Variants in MAP7D3 observed in about 807,000 individuals in gnomAD.
MAP7D3 encodes MAP7 domain containing 3.
MAP7D3 carries 45 observed loss-of-function variants against 62.2 expected under a neutral mutation model. The ratio of observed to expected loss-of-function variants is 0.72; its 90% confidence interval spans 0.57 to 0.93. The LOEUF (loss-of-function observed/expected upper bound fraction) is 0.93. MAP7D3 is among the 40% of genes least tolerant of loss of function. The pLI is 0.00. For missense variants in MAP7D3, 711 were observed against 683.1 expected (o/e 1.04, Z -0.45); for synonymous variants, 288 against 248.8 (o/e 1.16, Z -1.48).
chrX:136,228,827 C>A, intron 10 of MAP7D3, 69 bp from the exon 11 acceptor site: 2 of 911,780 alleles, frequency 2.2e-6, no homozygotes, highest in Non-Finnish European at 3.0e-6. Context: ...AGAAGTGCAA[C>A]ACAATCCAAA....
chrX:136,240,630 C>T, intron 5 of MAP7D3, 144 bp from the exon 6 acceptor site: 1 of 418,828 alleles, frequency 2.4e-6, no homozygotes, highest in African/African-American at 2.5e-5. Context: ...CCCGTCAATC[C>T]TTTTTTTTTA....
chrX:136,225,957 G>A lies in MAP7D3; in HGVS notation c.2091C>T (p.His697=), dbSNP rs373449692. 18 of 1,201,436 alleles carry A rather than the reference G, an allele frequency of 1.5e-5. No individual in the cohort carries two copies. The highest frequency in any genetic ancestry group is 2.3e-4 in the Middle Eastern group (1 of 4,350). The part of the protein sequence containing the change: ...QEEADKRKKE[H]ERIMLQNLQE... ...GTAAATTTTGTAACATAATTCTCTCGTGTTCTTTCTTGCGTTTGTCAGCTT... is the reference window on the plus strand; with the variant it reads ...GTAAATTTTGTAACATAATTCTCTCATGTTCTTTCTTGCGTTTGTCAGCTT... Residue 697 remains histidine, a synonymous_variant, in exon 13 of 19, where the codon CAC becomes CAT. Coordinates refer to ENST00000316077, the MANE Select transcript of MAP7D3 (RefSeq NM_024597.4).
At chrX:136,231,103 G>A (rs764037816) in intron 8 of MAP7D3, 137 bp from the exon 9 acceptor site, 2 of 425,305 alleles carry the variant, frequency 4.7e-6, no homozygotes, top group Admixed American at 4.8e-5. Context: ...TTTTCTTTTA[G>A]AGTATGAGAA....
chrX:136,231,482 A>G, intron 8 of MAP7D3, 62 bp downstream of exon 8: 3 of 972,069 alleles, frequency 3.1e-6, no homozygotes, highest in Non-Finnish European at 4.3e-6. Flanking sequence ...CCTATCGTGA[A>G]CTATACAACA....
At chrX:136,236,694 A>C (rs1411467995) in intron 6 of MAP7D3, among the ~76,000 whole-genome samples, 1 of 112,383 alleles carries the variant, frequency 8.9e-6, no homozygotes, top group African/African-American at 3.2e-5. Context: ...TATTTAAAAA[A>C]GATATATACG....
Position 136,220,786 on chromosome X carries a change from G to A in MAP7D3, c.2465C>T (p.Ser822Leu), listed in dbSNP as rs1373988184. The A allele has an allele frequency of 1.7e-6, 2 of 1,208,886 alleles. No homozygotes were observed. The highest frequency in any genetic ancestry group is 4.4e-5 in the Admixed American group (2 of 45,813). ...TCACCTTGAAACTACTTCCTGTATT[G>A]AAGTGTCTTTCATGCTTTTTTGTCT... ...NFRQKSMKDT[S>L]IQEVVSRPSS... The change falls in exon 16 of 19, where the codon TCA becomes TTA. Residue 822 changes from serine to leucine, a missense_variant. Ser to Leu is a moderately radical substitution (Grantham distance 145). Transcript: ENST00000316077.
chrX:136,240,225 A>C (rs953691907), intron 6 of MAP7D3, among the ~76,000 whole-genome samples, 157 bp downstream of exon 6: 2 of 109,985 alleles, frequency 1.8e-5, no homozygotes, highest in Non-Finnish European at 3.8e-5. Flanking sequence ...AAAAAAAAAA[A>C]AGTATGACTA....
upstream of MAP7D3, chrX:136,251,622 T>C (rs2074515655): frequency 6.7e-6 from 5 of 741,676 alleles, no homozygotes; most frequent in South Asian, 2.1e-4. Flanking sequence ...CCCTACTGCA[T>C]TGTGAGGACT....
rs773072484 is a variant in MAP7D3 at position 136,236,317 on chromosome X, G to A, written c.663C>T (p.Ser221=). 1 of 1,179,982 alleles carries A rather than the reference G, an allele frequency of 8.5e-7. No individual in the cohort carries two copies. Among genetic ancestry groups the A allele is most frequent in the South Asian group, 1.8e-5 (1 of 54,171 alleles). ...VAKRKTDKER[S]SSLNRRDSNL... is the part of the protein sequence containing the mutation. ...TACTATCTCTTCTATTTAAAGATGA[G>A]CTTCTCTCCTTGTCTGTTTTCCCTA... The change falls in exon 7 of 19, where the codon AGC becomes AGT. Residue 221 remains serine, a synonymous_variant. Transcript: ENST00000316077.
In MAP7D3 at chrX:136,217,451, G is replaced by A. The variant is rs1479682386; in HGVS notation, c.*1075C>T. 1 of 111,586 alleles carries A rather than the reference G, an allele frequency of 9.0e-6. No homozygotes were observed. Among genetic ancestry groups the A allele is most frequent in the Non-Finnish European group, 1.9e-5 (1 of 53,080 alleles). 9.2% of individuals were successfully genotyped at this position (111,586 alleles called of 1,213,427 possible). ...TGTTTCTGTAGATAAACACCAATAT[G>A]TCCTTCAAAAGGAAACACTGACAAG... On this transcript the variant is annotated 3_prime_UTR_variant, in exon 19 of 19. Transcript: ENST00000316077.
At chrX:136,246,198 A>C (rs1569532366) in intron 2 of MAP7D3, 45 bp downstream of exon 2, 3 of 1,128,420 alleles carry the variant, frequency 2.7e-6, no homozygotes, top group Non-Finnish European at 3.6e-6. Flanking sequence ...CAAATTTTAA[A>C]GATATGACAC....
In MAP7D3 at chrX:136,224,833, G is replaced by A; in HGVS notation, c.2187C>T (p.Ala729=). The change falls in exon 14 of 19, where the codon GCC becomes GCT. Residue 729 remains alanine (A), a synonymous_variant. Coordinates refer to ENST00000316077, the MANE Select transcript of MAP7D3 (RefSeq NM_024597.4). ...MKRTRKTDVN[A]SKVTETSSHD... is the part of the protein sequence containing the mutation. ...GTAGGAGTATGGAGACTACCTTTGA[G>A]GCATTCACATCTGTCTTTCTTGTCC... 3.4e-6 allele frequency: 4 copies of A among 1,176,840 alleles called. No homozygotes were observed. The highest frequency in any genetic ancestry group is 4.6e-6 in the Non-Finnish European group (4 of 864,114).
chrX:136,231,662 C>G lies in MAP7D3; in HGVS notation c.1295G>C (p.Gly432Ala), dbSNP rs779672786. Residue 432 changes from glycine (G) to alanine (A), a missense_variant, in exon 8 of 19, where the codon GGG becomes GCG. Transcript: ENST00000316077. ...AEVAPKESVK[G>A]SPKESMEASP... ...TGCCTCCATGCTCTCCTTGGGTGAC[C>G]CTTTCACACTCTCCTTGGGGGCTAC... 1.7e-6 allele frequency: 2 copies of G among 1,205,560 alleles called. No homozygotes were observed. The highest frequency in any genetic ancestry group is 2.2e-6 in the Non-Finnish European group (2 of 890,863).
Position 136,246,078 on chromosome X carries a change from C to G in MAP7D3, c.240G>C (p.Arg80Ser). 1 of 1,197,068 alleles carries G rather than the reference C, an allele frequency of 8.4e-7. No individual in the cohort carries two copies. Among genetic ancestry groups the G allele is most frequent in the Non-Finnish European group, 1.1e-6 (1 of 885,555 alleles). ...TCTAAAATATACCGTCTTGCTGTCT[C>G]CTTTTCTCCTCTCTGCGCTCTCTTG... is the stretch of plus-strand genomic sequence containing the variant. ...RLARERREEK[R>S]RQQDANKETQ... Residue 80 changes from arginine to serine, a missense_variant, in exon 3 of 19, where the codon AGG (arginine) becomes AGC (serine). By Grantham distance (110) the Arg-to-Ser change is moderately radical (BLOSUM62 -1). Coordinates refer to ENST00000316077, the MANE Select transcript of MAP7D3 (RefSeq NM_024597.4).
At chrX:136,226,380 T>C (rs2074197452) in intron 12 of MAP7D3, among the ~76,000 whole-genome samples, 1 of 111,624 alleles carries the variant, frequency 9.0e-6, no homozygotes, top group African/African-American at 3.3e-5. Flanking sequence ...TCCTGAGAAA[T>C]GCAAGCATAA....
Position 136,230,604 on chromosome X carries a change from G to T in MAP7D3, c.1542-11C>A. 9.2e-7 allele frequency: 1 copy of T among 1,092,333 alleles called. No homozygotes were observed. The highest frequency in any genetic ancestry group is 1.3e-6 in the Non-Finnish European group (1 of 793,318). The allele number at this position is 1,092,333 out of a possible 1,213,427, so 90.0% of individuals were successfully genotyped here. A position where few individuals can be genotyped will look rare whatever the true frequency, so the allele number is the denominator to read the frequency against. On this transcript the variant is annotated splice_polypyrimidine_tract_variant and intron_variant, in intron 9 of 18. Coordinates refer to ENST00000316077, the MANE Select transcript of MAP7D3 (RefSeq NM_024597.4). ...TTTTGGATTTGCCTGCTGAGAAAAA[G>T]TAATACACATTTGCTAATTAATTTT... is the stretch of plus-strand genomic sequence containing the variant.
At position 136,230,512 on chromosome X, in the gene MAP7D3, T is replaced by C. The variant is rs2074254227; in HGVS notation, c.1623A>G (p.Lys541=). The C allele has an allele frequency of 8.4e-7, 1 of 1,195,249 alleles. No individual in the cohort carries two copies. Among genetic ancestry groups the C allele is most frequent in the Non-Finnish European group, 1.1e-6 (1 of 880,421 alleles). ...KQSPQTSFPY[K]IMPIQHTLSV... ...ACAGGGTGTGTTGAATAGGCATTATTTTATAAGGAAAAGAAGTCTGTGGTG... is the reference window on the plus strand; with the variant it reads ...ACAGGGTGTGTTGAATAGGCATTATCTTATAAGGAAAAGAAGTCTGTGGTG... Residue 541 remains lysine, a synonymous_variant, in exon 10 of 19, where the codon AAA becomes AAG. Transcript: ENST00000316077.
At chrX:136,250,172 T>C (rs894116728) in intron 1 of MAP7D3, among the ~76,000 whole-genome samples, 1 of 112,377 alleles carries the variant, frequency 8.9e-6, no homozygotes, top group Non-Finnish European at 1.9e-5. Flanking sequence ...GTGTATGTAG[T>C]ATATGCTTCT....
chrX:136,251,987 A>T (rs2074519006), upstream of MAP7D3, among the ~76,000 whole-genome samples: 2 of 112,179 alleles, frequency 1.8e-5, no homozygotes, highest in Admixed American at 9.4e-5. Context: ...GAGGCAGAGG[A>T]CTTATTGGCA....
Sources: gnomAD v4.1 joint callset for allele counts (sites outside exome capture counted in the v4.1 genomes callset) on GRCh38, gnomAD v4.1.1 for gene constraint, MANE v1.5 for transcripts, NCBI Gene and HGNC (gene_info 2026-07-23, HGNC 2026-07-21) for gene names.